CERT1: variants seen among roughly 807,000 people sequenced by gnomAD.
CERT1 encodes ceramide transporter 1, also known as ceramide transfer protein.
In CERT1, 31 loss-of-function variants were observed where a neutral mutation model predicts 87.9. The ratio of observed to expected loss-of-function variants is 0.35; its 90% CI spans 0.27 to 0.48. The LOEUF (loss-of-function observed/expected upper bound fraction) is 0.48. Among genes scored for constraint, CERT1 ranks in the 20% least tolerant of loss-of-function variants. The probability of loss-of-function intolerance (pLI) is 0.99; values close to 1 mark genes in which losing one functional copy is unlikely to be tolerated. For missense variants in CERT1, 487 were observed against 758.0 expected (o/e 0.64, Z 4.20); for synonymous variants, 289 against 250.9 (o/e 1.15, Z -1.44).
chr5:75,510,503 C>A (rs948595300), intron 1 of CERT1, among the ~76,000 whole-genome samples: 9 of 152,144 alleles, frequency 5.9e-5, no homozygotes, highest in Admixed American at 4.6e-4. Flanking sequence ...CTCACATGTT[C>A]CAAGTTACTA....
chr5:75,413,200 T>C (rs1232658229), intron 7 of CERT1, among the ~76,000 whole-genome samples: 3 of 152,332 alleles, frequency 2.0e-5, no homozygotes, highest in Admixed American at 2.0e-4. Context: ...AAAGGAATTA[T>C]TCAGCTCCAT....
chr5:75,406,634 G>A (rs1365264614), intron 8 of CERT1, among the ~76,000 whole-genome samples: 3 of 151,380 alleles, frequency 2.0e-5, no homozygotes, highest in Non-Finnish European at 2.9e-5. Context: ...TCCGCCTGCC[G>A]GTTCAAGCAA....
At chr5:75,492,539 GCAAA>G (rs1324999623) in intron 2 of CERT1, among the ~76,000 whole-genome samples, 3 of 152,132 alleles carry the variant, frequency 2.0e-5, no homozygotes, top group Non-Finnish European at 2.9e-5. Flanking sequence ...GACAAAGTCA[GCAAA>G]CAATGTCAAG....
intron 3 of CERT1, among the ~76,000 whole-genome samples, chr5:75,429,391 G>A (rs151000110): frequency 0.042 from 6,376 of 151,986 alleles, 186 homozygotes; most frequent in Non-Finnish European, 0.06. Context: ...TAGTAGAGAC[G>A]GGGTTTCATT....
intron 7 of CERT1, among the ~76,000 whole-genome samples, chr5:75,416,139 T>C (rs1244012805): frequency 1.3e-5 from 2 of 152,164 alleles, no homozygotes; most frequent in African/African-American, 2.4e-5. Flanking sequence ...CCAGAGCTGA[T>C]ATATAAAAGA....
intron 3 of CERT1, among the ~76,000 whole-genome samples, chr5:75,441,679 CT>C (rs1469034523): frequency 9.9e-5 from 15 of 152,268 alleles, no homozygotes; most frequent in Admixed American, 8.5e-4. Context: ...CAGTATTTAT[CT>C]TTTGGTGACT....
chr5:75,403,347 C>T (rs1051069268), intron 8 of CERT1, among the ~76,000 whole-genome samples: 5 of 152,238 alleles, frequency 3.3e-5, no homozygotes, highest in South Asian at 4.1e-4. Flanking sequence ...AGGGCCAAAT[C>T]CAGTCTGCTG....
intron 11 of CERT1, among the ~76,000 whole-genome samples, chr5:75,391,006 C>T (rs1394965552): frequency 6.6e-6 from 1 of 151,810 alleles, no homozygotes; most frequent in African/African-American, 2.4e-5. Flanking sequence ...CACTTCGTGG[C>T]CCAGACTGCA....
Position 75,484,659 on chromosome 5 carries a change from C to A in CERT1, c.231+21323G>T, listed in dbSNP as rs191917699. On this transcript the variant is annotated intron_variant, in intron 2 of 16. Coordinates refer to ENST00000643780, the MANE Select transcript of CERT1 (RefSeq NM_001379029.1). ...AAATAAGAAGGTCGTTACATAATGA[C>A]AAAGGGGTTAATTCAGAAGGATATA... 1.3e-3 allele frequency among the ~76,000 whole-genome samples: 197 copies of A among 151,842 alleles called. 1 individual carries two copies. The highest frequency in any genetic ancestry group is 1.4e-3 in the Non-Finnish European group (95 of 67,882).
intron 3 of CERT1, among the ~76,000 whole-genome samples, chr5:75,451,454 T>C (rs928281621): frequency 1.8e-4 from 28 of 152,214 alleles, no homozygotes; most frequent in Non-Finnish European, 1.5e-5. Context: ...AATTTGATCC[T>C]CTGTCATCAT....
intron 2 of CERT1, among the ~76,000 whole-genome samples, chr5:75,504,480 A>C (rs1279695906): frequency 6.6e-6 from 1 of 152,228 alleles, no homozygotes; most frequent in East Asian, 1.9e-4. Flanking sequence ...GGGGGAAATA[A>C]TGTATAAAAA....
intron 16 of CERT1, 73 bp from the exon 17 acceptor site, chr5:75,379,546 C>T (rs964802951): frequency 2.2e-6 from 3 of 1,377,068 alleles, no homozygotes; most frequent in Admixed American, 2.2e-5. Context: ...TTAATTTGTT[C>T]CCTTGTTTTT....
At chr5:75,417,663 A>G (rs1486260311) in intron 6 of CERT1, among the ~76,000 whole-genome samples, 1 of 152,200 alleles carries the variant, frequency 6.6e-6, no homozygotes, top group African/African-American at 2.4e-5. Context: ...GACTTTAAAA[A>G]CGATTAGAGA....
chr5:75,471,424 T>C (rs1006438279), intron 2 of CERT1, among the ~76,000 whole-genome samples: 2 of 152,170 alleles, frequency 1.3e-5, no homozygotes, highest in African/African-American at 4.8e-5. Flanking sequence ...AGGTGATAGA[T>C]AATCTTCAGC....
At chr5:75,422,641 A>ATCAG (rs764037709) in intron 5 of CERT1, among the ~76,000 whole-genome samples, 7 of 152,126 alleles carry the variant, frequency 4.6e-5, no homozygotes, top group Non-Finnish European at 7.4e-5. Flanking sequence ...GGATCAATCA[A>ATCAG]TCAGTCAGTA....
intron 7 of CERT1, among the ~76,000 whole-genome samples, chr5:75,414,355 T>G (rs1763053520): frequency 6.6e-6 from 1 of 152,104 alleles, no homozygotes; most frequent in African/African-American, 2.4e-5. Flanking sequence ...TTAAAAAAAA[T>G]CAGGTAGTAT....
At chr5:75,382,284 T>A (rs1348852196) in intron 14 of CERT1, among the ~76,000 whole-genome samples, 2 of 152,256 alleles carry the variant, frequency 1.3e-5, no homozygotes, top group East Asian at 3.8e-4. Context: ...TCTATTTTTT[T>A]AATTGCAGTA....
chr5:75,430,580 T>C (rs1006507365), intron 3 of CERT1, among the ~76,000 whole-genome samples: 1 of 152,138 alleles, frequency 6.6e-6, no homozygotes, highest in African/African-American at 2.4e-5. Context: ...GTAGACTACA[T>C]CTGTCAAAAC....
intron 12 of CERT1, among the ~76,000 whole-genome samples, chr5:75,388,599 CATATATATATATATATAT>C (rs59799780): frequency 0.13 from 12,012 of 91,904 alleles, 1,664 homozygotes; most frequent in African/African-American, 0.32. Context: ...AGCATGCATG[CATATATATATATATATAT>C]ATATATATAT....
Sources: gnomAD v4.1 joint callset for allele counts (sites outside exome capture counted in the v4.1 genomes callset) on GRCh38, gnomAD v4.1.1 for gene constraint, MANE v1.5 for transcripts, NCBI Gene and HGNC (gene_info 2026-07-23, HGNC 2026-07-21) for gene names.